The following PDZD2 variants were observed in gnomAD, a reference collection of about 807,000 sequenced individuals.
The protein encoded by PDZD2 is PDZ domain containing 2.
In PDZD2, 90 loss-of-function variants were observed where a neutral mutation model predicts 220.7. The observed-to-expected ratio is 0.41, with a 90% CI of 0.34 to 0.49. The LOEUF (loss-of-function observed/expected upper bound fraction) is 0.49. PDZD2 is among the 20% of genes least tolerant of loss of function. PDZD2 has a pLI of 0.28. For synonymous variants in PDZD2, 1,375 were observed against 1,450.5 expected (o/e 0.95, Z 1.18); for missense variants, 3,174 against 3,608.5 (o/e 0.88, Z 3.08).
chr5:31,808,378 A>AACCTGCCATGTGGAAC (rs1207834391), intron 2 of PDZD2, among the ~76,000 whole-genome samples: 107 of 152,346 alleles, frequency 7.0e-4, no homozygotes, highest in Non-Finnish European at 1.3e-3. Flanking sequence ...TTATGTGGAA[A>AACCTGCCATGTGGAAC]ACCTGCCATG....
chr5:31,834,767 G>A (rs1267335737), intron 2 of PDZD2, among the ~76,000 whole-genome samples: 1 of 151,930 alleles, frequency 6.6e-6, no homozygotes. Context: ...ATGGCATTGG[G>A]AGATATACCT....
chr5:31,922,004 T>C (rs1323664839), intron 2 of PDZD2, among the ~76,000 whole-genome samples: 1 of 152,214 alleles, frequency 6.6e-6, no homozygotes, highest in Non-Finnish European at 1.5e-5. Flanking sequence ...TCTTTTGTTT[T>C]CAAACTGTTT....
chr5:31,712,665 T>C (rs574863146), intron 1 of PDZD2, among the ~76,000 whole-genome samples: 2 of 152,264 alleles, frequency 1.3e-5, no homozygotes, highest in African/African-American at 4.8e-5. Flanking sequence ...ATTTTTGCCA[T>C]ATTCCATTGG....
chr5:32,011,943 T>C (rs1753352674), intron 6 of PDZD2, among the ~76,000 whole-genome samples: 2 of 152,174 alleles, frequency 1.3e-5, no homozygotes, highest in Non-Finnish European at 2.9e-5. Flanking sequence ...TTCTGAAGGA[T>C]GGCAGTATAG....
intron 2 of PDZD2, among the ~76,000 whole-genome samples, chr5:31,876,630 C>T (rs1739331117): frequency 6.6e-6 from 1 of 152,126 alleles, no homozygotes; most frequent in South Asian, 2.1e-4. Context: ...TTGCAGCATC[C>T]TCCTATTCTA....
intron 1 of PDZD2, among the ~76,000 whole-genome samples, chr5:31,793,575 G>A (rs183042512): frequency 6.6e-6 from 1 of 152,326 alleles, no homozygotes; most frequent in Non-Finnish European, 1.5e-5. Context: ...GGGAGGCTGA[G>A]GCGGGCGAAT....
rs114758167 is a variant in PDZD2 at position 31,992,898 on chromosome 5, C to T, written c.979-2678C>T. ...AAAAAAAGCCACCATCCTACTCTCGCGTGTGCCGTGAGGCCGCCACAGGGC... is the reference window on the plus strand; with the variant it reads ...AAAAAAAGCCACCATCCTACTCTCGTGTGTGCCGTGAGGCCGCCACAGGGC... On this transcript the variant is annotated intron_variant, in intron 3 of 24. Transcript: ENST00000438447. Among the ~76,000 whole-genome samples, 730 of 150,994 alleles carry T rather than the reference C, an allele frequency of 4.8e-3. 8 individuals are homozygous for T. Among genetic ancestry groups the T allele is most frequent in the African/African-American group, 0.016 (678 of 41,188 alleles).
intron 2 of PDZD2, among the ~76,000 whole-genome samples, chr5:31,849,904 A>T (rs889027138): frequency 1.9e-3 from 46 of 24,446 alleles, no homozygotes; most frequent in East Asian, 4.3e-3. Context: ...ATATATATAT[A>T]CATATATATA....
At position 31,975,761 on chromosome 5, in the gene PDZD2, A is replaced by G. The variant is rs140172717; in HGVS notation, c.477-7394A>G. Among the ~76,000 whole-genome samples the G allele has an allele frequency of 4.1e-5, 6 of 147,164 alleles. No homozygotes were observed. In the East Asian group the frequency reaches 7.9e-4, roughly 19 times the overall value. On this transcript the variant is annotated intron_variant, in intron 2 of 24. Transcript: ENST00000438447. ...CAAAGAAATCGATTATCTTCAGGAA[A>G]GGTATTATGAGCACACTGAAGGTAT... is the stretch of plus-strand genomic sequence containing the variant.
intron 2 of PDZD2, among the ~76,000 whole-genome samples, chr5:31,807,364 G>A (rs1339370478): frequency 1.3e-5 from 2 of 152,220 alleles, no homozygotes; most frequent in African/African-American, 2.4e-5. Flanking sequence ...GCCACAGGCT[G>A]TTGCTGCTAC....
Position 31,648,179 on chromosome 5 carries a change from C to T in PDZD2, c.-361+8742C>T, listed in dbSNP as rs78945259. On this transcript the variant is annotated intron_variant, in intron 1 of 24. Transcript: ENST00000438447. ...TATTCTAGGGAGAGCTCAACTATCT[C>T]GAGGCATTGCCTACCATTTATGCAC... Among the ~76,000 whole-genome samples the T allele has an allele frequency of 3.2e-3, 488 of 152,240 alleles. 2 individuals carry two copies. The highest frequency in any genetic ancestry group is 0.011 in the African/African-American group (448 of 41,554).
At chr5:31,658,866 G>A (rs960721538) in intron 1 of PDZD2, among the ~76,000 whole-genome samples, 7 of 152,202 alleles carry the variant, frequency 4.6e-5, no homozygotes, top group East Asian at 3.9e-4. Context: ...TGATCCGCCC[G>A]CCTCATCATC....
chr5:31,691,405 T>C (rs1747121520), intron 1 of PDZD2, among the ~76,000 whole-genome samples: 1 of 136,774 alleles, frequency 7.3e-6, no homozygotes, highest in South Asian at 2.1e-4. Context: ...AAAGCTCCCG[T>C]AGAGTGGAAG....
At chr5:31,705,810 G>A (rs1443237346) in intron 1 of PDZD2, among the ~76,000 whole-genome samples, 1 of 152,244 alleles carries the variant, frequency 6.6e-6, no homozygotes, top group Non-Finnish European at 1.5e-5. Context: ...AGCACTTTGG[G>A]AGGCTGAGTT....
intron 1 of PDZD2, among the ~76,000 whole-genome samples, chr5:31,716,811 A>G (rs546821666): frequency 4.6e-5 from 7 of 152,320 alleles, no homozygotes; most frequent in African/African-American, 1.7e-4. Context: ...TCGGAAAAAT[A>G]TAAAAAATAG....
intron 2 of PDZD2, among the ~76,000 whole-genome samples, chr5:31,863,848 G>A (rs1333727983): frequency 6.6e-6 from 1 of 152,072 alleles, no homozygotes; most frequent in Admixed American, 6.6e-5. Flanking sequence ...TTAATCCTAT[G>A]GTGAAGACCT....
chr5:31,729,099 CTTTTTTTTTTTTT>C, intron 1 of PDZD2, among the ~76,000 whole-genome samples: 1 of 123,698 alleles, frequency 8.1e-6, no homozygotes, highest in Non-Finnish European at 1.6e-5. Flanking sequence ...TGATCGAAAT[CTTTTTTTTTTTTT>C]TTTTTTTTGA....
chr5:32,064,690 G>A (rs1740041719), intron 14 of PDZD2, among the ~76,000 whole-genome samples: 1 of 152,108 alleles, frequency 6.6e-6, no homozygotes, highest in Admixed American at 6.5e-5. Context: ...CACTAAGGGC[G>A]GGTGCGGTCG....
intron 1 of PDZD2, among the ~76,000 whole-genome samples, chr5:31,700,036 A>T (rs1747549266): frequency 6.6e-6 from 1 of 152,082 alleles, no homozygotes; most frequent in Admixed American, 6.5e-5. Context: ...TGGCTTCAAG[A>T]GTGGAAGCCA....
Sources: allele counts gnomAD v4.1 joint callset (sites outside exome capture counted in the v4.1 genomes callset), GRCh38; gene constraint gnomAD v4.1.1; transcripts MANE v1.5; gene names NCBI Gene and HGNC (gene_info 2026-07-23, HGNC 2026-07-21).